Variants in PLAG1 observed in about 807,000 individuals in gnomAD.
PLAG1 encodes the protein PLAG1 zinc finger.
In PLAG1, 7 loss-of-function variants were observed where a neutral mutation model predicts 35.5. The observed-to-expected ratio is 0.20, with a 90% CI of 0.11 to 0.37. The LOEUF (loss-of-function observed/expected upper bound fraction) is 0.37. PLAG1 is among the 10% of genes least tolerant of loss of function. The pLI is 1.00. For synonymous variants in PLAG1, 229 were observed against 225.4 expected (o/e 1.02, Z -0.14); for missense variants, 454 against 602.8 (o/e 0.75, Z 2.58).
chr8:56,196,817 C>T (rs938046646), intron 1 of PLAG1, among the ~76,000 whole-genome samples: 1 of 151,990 alleles, frequency 6.6e-6, no homozygotes, highest in Non-Finnish European at 1.5e-5. Context: ...ATGCATGTGT[C>T]TCTCTCTCTC....
intron 2 of PLAG1, among the ~76,000 whole-genome samples, chr8:56,174,498 C>A (rs185684268): frequency 2.6e-5 from 4 of 152,112 alleles, no homozygotes; most frequent in Admixed American, 2.6e-4. Context: ...TTATAAAAAC[C>A]TAAGAATGAA....
chr8:56,183,044 C>A (rs1186088958), intron 1 of PLAG1, among the ~76,000 whole-genome samples: 1 of 152,126 alleles, frequency 6.6e-6, no homozygotes, highest in Non-Finnish European at 1.5e-5. Context: ...AGGAGAATGG[C>A]ACTTGGCTAG....
At chr8:56,180,633 T>G (rs1377466475) in intron 1 of PLAG1, among the ~76,000 whole-genome samples, 1 of 152,208 alleles carries the variant, frequency 6.6e-6, no homozygotes, top group Non-Finnish European at 1.5e-5. Context: ...CATCTTGAGT[T>G]AATTTTTGTA....
Position 56,163,790 on chromosome 8 carries a change from A to T in PLAG1, c.*2453T>A, listed in dbSNP as rs1317759410. The T allele has an allele frequency of 5.3e-6, 1 of 190,418 alleles. No individual in the cohort carries two copies. Among genetic ancestry groups the T allele is most frequent in the Non-Finnish European group, 1.1e-5 (1 of 90,514 alleles). 11.8% of individuals were successfully genotyped at this position (190,418 alleles called of 1,614,324 possible). A position where few individuals can be genotyped will look rare whatever the true frequency, so the allele number is the denominator to read the frequency against. ...ACTCCCTTTTTTAAATTAGCAGTGA[A>T]TACAGCCTACTAAGGCCAATGTCTC... On this transcript the variant is annotated 3_prime_UTR_variant, in exon 5 of 5. Coordinates refer to ENST00000316981, the MANE Select transcript of PLAG1 (RefSeq NM_002655.3).
intron 2 of PLAG1, among the ~76,000 whole-genome samples, chr8:56,172,496 T>C (rs547757984): frequency 6.6e-6 from 1 of 152,352 alleles, no homozygotes; most frequent in Admixed American, 6.5e-5. Context: ...GAGTTTTTTG[T>C]AGGGTAATTA....
chr8:56,207,855 T>C (rs1052897872), intron 1 of PLAG1, among the ~76,000 whole-genome samples: 5 of 152,084 alleles, frequency 3.3e-5, no homozygotes, highest in Non-Finnish European at 7.4e-5. Context: ...TCTAAGCGAT[T>C]ACAGATTTTA....
At chr8:56,193,596 T>C (rs1205103207) in intron 1 of PLAG1, among the ~76,000 whole-genome samples, 1 of 152,132 alleles carries the variant, frequency 6.6e-6, no homozygotes, top group African/African-American at 2.4e-5. Context: ...CTGATAATTC[T>C]ACTCTACTGA....
intron 1 of PLAG1, among the ~76,000 whole-genome samples, chr8:56,210,331 GTTGT>G (rs1462520784): frequency 6.6e-6 from 1 of 151,686 alleles, no homozygotes; most frequent in African/African-American, 2.4e-5. Flanking sequence ...CTCCATTTTG[GTTGT>G]TTATGATACT....
intron 1 of PLAG1, among the ~76,000 whole-genome samples, chr8:56,203,916 GA>G (rs1371683929): frequency 2.0e-5 from 3 of 151,940 alleles, no homozygotes; most frequent in Non-Finnish European, 4.4e-5. Context: ...GATTTATTTA[GA>G]AACAATTTTA....
Position 56,167,033 on chromosome 8 carries a change from T to C in PLAG1, c.713A>G (p.Gln238Arg), listed in dbSNP as rs1811378919. ...LTRHMKKSHNQELLKVKTEPV... is the reference protein window; with the variant it reads ...LTRHMKKSHNRELLKVKTEPV... The stretch of plus-strand genomic sequence containing the variant: ...TTCTGTTTTGACCTTCAGAAGCTCT[T>C]GATTGTGACTCTTCTTCATATGTCG... The change falls in exon 5 of 5, where the codon CAA (glutamine) becomes CGA (arginine). Residue 238 changes from glutamine (Q) to arginine (R), a missense_variant. By Grantham distance (43) the Gln-to-Arg change is conservative. Transcript: ENST00000316981. This position sits in a 1 kb window ranked among gnomAD's most constrained non-coding sequence, Gnocchi z 5.9. 6.2e-7 allele frequency: 1 copy of C among 1,614,068 alleles called. No homozygotes were observed. The highest frequency in any genetic ancestry group is 1.1e-5 in the South Asian group (1 of 91,090).
intron 1 of PLAG1, among the ~76,000 whole-genome samples, chr8:56,188,437 C>T (rs1457076134): frequency 6.6e-6 from 1 of 152,190 alleles, no homozygotes; most frequent in Non-Finnish European, 1.5e-5. Flanking sequence ...GTATATTTTT[C>T]TTACACTCTT....
At chr8:56,203,630 T>G (rs1812621806) in intron 1 of PLAG1, among the ~76,000 whole-genome samples, 1 of 152,064 alleles carries the variant, frequency 6.6e-6, no homozygotes. Context: ...TAACTCCTGT[T>G]TGGTGTGCCT....
chr8:56,195,477 C>T (rs1250166819), intron 1 of PLAG1, among the ~76,000 whole-genome samples: 1 of 152,192 alleles, frequency 6.6e-6, no homozygotes, highest in African/African-American at 2.4e-5. Flanking sequence ...TGGCCCACCA[C>T]CTGCACTCTT....
Position 56,163,974 on chromosome 8 carries a change from C to G in PLAG1, c.*2269G>C, listed in dbSNP as rs1310816289. 1 of 183,088 alleles carries G rather than the reference C, an allele frequency of 5.5e-6. No individual in the cohort carries two copies. Among genetic ancestry groups the G allele is most frequent in the Admixed American group, 6.3e-5 (1 of 15,964 alleles). The allele number at this position is 183,088 out of a possible 1,614,324, so 11.3% of individuals were successfully genotyped here. Reference sequence around the variant, plus strand: ...ATGGTGATTAAAGCAATATTGAACACTAATCATTCAACTAAAGATTTAGGT... The same window carrying G: ...ATGGTGATTAAAGCAATATTGAACAGTAATCATTCAACTAAAGATTTAGGT... On this transcript the variant is annotated 3_prime_UTR_variant, in exon 5 of 5. Coordinates refer to ENST00000316981, the MANE Select transcript of PLAG1 (RefSeq NM_002655.3).
At chr8:56,201,619 T>C (rs906988655) in intron 1 of PLAG1, among the ~76,000 whole-genome samples, 3 of 152,206 alleles carry the variant, frequency 2.0e-5, no homozygotes, top group African/African-American at 7.2e-5. Flanking sequence ...AGGTTTATAC[T>C]ACCCAAATAA....
chr8:56,168,511 A>G (rs1048872619), intron 3 of PLAG1, 125 bp from the exon 4 acceptor site: 11 of 337,144 alleles, frequency 3.3e-5, no homozygotes, highest in South Asian at 1.3e-4. Context: ...GTCTAATGTA[A>G]TATCATCACA....
chr8:56,168,029 TTTGTA>T lies in PLAG1; in HGVS notation c.236_240del (p.Leu79Ter). The T allele has an allele frequency of 6.7e-7, 1 of 1,493,912 alleles. No individual in the cohort carries two copies. Among genetic ancestry groups the T allele is most frequent in the Non-Finnish European group, 9.3e-7 (1 of 1,080,578 alleles). The allele number at this position is 1,493,912 out of a possible 1,614,324, so 92.5% of individuals were successfully genotyped here. ...TGAAAGACAAATAGAGTTTAATACC[TTTGTA>T]ATTTGTACTTAGAAACAAAGGCCTT... On this transcript the variant is annotated frameshift_variant and splice_region_variant, in exon 4 of 5. Coordinates refer to ENST00000316981, the MANE Select transcript of PLAG1 (RefSeq NM_002655.3). LOFTEE classifies it high-confidence loss of function.
chr8:56,161,117 T>C lies in PLAG1; in HGVS notation c.*5126A>G, dbSNP rs1371080474. The stretch of plus-strand genomic sequence containing the variant: ...ATGTAGTATCACTGCAGCTTCATAA[T>C]GTGATTGCTATTTTACAGAGCTTAT... On this transcript the variant is annotated 3_prime_UTR_variant, in exon 5 of 5. Transcript: ENST00000316981. 1 of 187,574 alleles carries C rather than the reference T, an allele frequency of 5.3e-6. No individual in the cohort carries two copies. Among genetic ancestry groups the C allele is most frequent in the East Asian group, 8.6e-5 (1 of 11,618 alleles). The allele number at this position is 187,574 out of a possible 1,614,324, so 11.6% of individuals were successfully genotyped here. A position where few individuals can be genotyped will look rare whatever the true frequency, so the allele number is the denominator to read the frequency against.
intron 2 of PLAG1, among the ~76,000 whole-genome samples, chr8:56,178,852 G>A (rs149133076): frequency 6.6e-6 from 1 of 152,086 alleles, no homozygotes; most frequent in African/African-American, 2.4e-5. Flanking sequence ...ACACTGAGCT[G>A]CGCCTACAGG....
Sources: gnomAD v4.1 joint callset for allele counts (sites outside exome capture counted in the v4.1 genomes callset) on GRCh38, gnomAD v4.1.1 for gene constraint, Gnocchi (gnomAD v3.1) non-coding constraint, MANE v1.5 for transcripts, NCBI Gene and HGNC (gene_info 2026-07-23, HGNC 2026-07-21) for gene names.